The following DHRS7B variants were observed in gnomAD, a reference collection of about 807,000 sequenced individuals.
DHRS7B encodes the protein peroxisomal reductase activating PPAR-gamma.
A neutral mutation model predicts 26.4 loss-of-function variants in DHRS7B; 24 were observed. That is an observed-to-expected ratio of 0.91 (90% CI 0.66 to 1.28). The LOEUF (loss-of-function observed/expected upper bound fraction) is 1.28, where lower values mean the gene tolerates loss of function less well. Ranked by LOEUF, DHRS7B falls within the 50% of genes most tolerant of loss-of-function variation. The pLI, the probability that DHRS7B is intolerant of heterozygous loss-of-function variation, is 0.00. For synonymous variants in DHRS7B, 142 were observed against 166.4 expected, an observed-to-expected ratio of 0.85 and a Z score of 1.13; for missense variants, 368 against 419.4, an observed-to-expected ratio of 0.88 and a Z score of 1.07.
intron 1 of DHRS7B, chr17:21,166,372 G>A: frequency 3.0e-6 from 3 of 985,410 alleles, no homozygotes; most frequent in Non-Finnish European, 3.6e-6. Context: ...GCATTCCAGG[G>A]AGGGCTTGCT....
At chr17:21,168,513 C>T (rs1375050399) in intron 1 of DHRS7B, among the ~76,000 whole-genome samples, 2 of 152,236 alleles carry the variant, frequency 1.3e-5, no homozygotes, top group East Asian at 3.9e-4. Flanking sequence ...GGACTACAGA[C>T]GTGCACTACC....
At chr17:21,138,209 TTC>T (rs1386065475) in intron 1 of DHRS7B, among the ~76,000 whole-genome samples, 3 of 111,216 alleles carry the variant, frequency 2.7e-5, no homozygotes, top group African/African-American at 1.2e-4. Flanking sequence ...CCATCCCTCC[TTC>T]TTTTTTTTTT....
intron 6 of DHRS7B, 26 bp from the exon 7 acceptor site, chr17:21,190,922 T>G: frequency 6.2e-7 from 1 of 1,608,576 alleles, no homozygotes; most frequent in Non-Finnish European, 8.5e-7. Context: ...CAAGTTCATG[T>G]GTTTCTTTTG....
At chr17:21,172,511 T>C in intron 2 of DHRS7B, 2 of 461,040 alleles carry the variant, frequency 4.3e-6, no homozygotes, top group Non-Finnish European at 7.9e-6. Context: ...AGTTGCTTGC[T>C]GAGGTAGGAA....
At chr17:21,129,722 A>G (rs1347927122) in intron 1 of DHRS7B, among the ~76,000 whole-genome samples, 1 of 142,802 alleles carries the variant, frequency 7.0e-6, no homozygotes, top group African/African-American at 2.9e-5. Context: ...AAAAAAAAAA[A>G]AAGAAAAAGA....
At chr17:21,137,112 A>G (rs1973361649) in intron 1 of DHRS7B, among the ~76,000 whole-genome samples, 1 of 150,376 alleles carries the variant, frequency 6.6e-6, no homozygotes, top group African/African-American at 2.4e-5. Context: ...CTGGGATTAC[A>G]GGCGCCTGCC....
At chr17:21,136,478 C>G (rs534183787) in intron 1 of DHRS7B, among the ~76,000 whole-genome samples, 5 of 152,054 alleles carry the variant, frequency 3.3e-5, no homozygotes, top group African/African-American at 1.2e-4. Flanking sequence ...CACCTTTGCA[C>G]TCCAGCCTGG....
At chr17:21,180,054 A>G (rs1047478972) in intron 3 of DHRS7B, among the ~76,000 whole-genome samples, 6 of 145,756 alleles carry the variant, frequency 4.1e-5, no homozygotes, top group Non-Finnish European at 6.0e-5. Context: ...GGCATGAGCC[A>G]CCATGCCCAG....
In DHRS7B at chr17:21,178,342, G is replaced by T. The variant is rs755919181; in HGVS notation, c.309G>T (p.Lys103Asn). 12 of 1,613,218 alleles carry T rather than the reference G, an allele frequency of 7.4e-6. No homozygotes were observed. Among genetic ancestry groups the T allele is most frequent in the Non-Finnish European group, 7.6e-6 (9 of 1,179,636 alleles). Residue 103 changes from lysine to asparagine, a missense_variant and splice_region_variant, in exon 3 of 7, where the codon AAG (lysine) becomes AAT (asparagine). Lys to Asn is a moderately conservative substitution (Grantham distance 94, BLOSUM62 0). Coordinates refer to ENST00000395511, the MANE Select transcript of DHRS7B (RefSeq NM_015510.5). The stretch of plus-strand genomic sequence containing the variant: ...AACTCACCGCTTCTCATGCCACCAA[G>T]GTGAGCCAGGGGCGTGCTTTCCATG... ...IRELTASHATKVQTHKPYLVT... is the reference protein window; with the variant it reads ...IRELTASHATNVQTHKPYLVT...
At chr17:21,168,852 T>A in intron 1 of DHRS7B, 1 of 985,492 alleles carries the variant, frequency 1.0e-6, no homozygotes, top group South Asian at 4.7e-5. Flanking sequence ...GCCTGTGATG[T>A]TGTGTCAGGT....
chr17:21,147,520 G>A (rs1249113724), intron 1 of DHRS7B, among the ~76,000 whole-genome samples: 1 of 152,184 alleles, frequency 6.6e-6, no homozygotes, highest in East Asian at 1.9e-4. Flanking sequence ...AGTTCTCGAG[G>A]CCATGGAGAA....
chr17:21,128,170 ATTTG>A (rs1435084617), intron 1 of DHRS7B: 1 of 152,142 alleles, frequency 6.6e-6, no homozygotes, highest in Non-Finnish European at 1.5e-5. Flanking sequence ...AGTCCCAGCT[ATTTG>A]TTGGGGCTGA....
chr17:21,183,561 GA>G, intron 3 of DHRS7B, 32 bp from the exon 4 acceptor site: 1 of 1,605,444 alleles, frequency 6.2e-7, no homozygotes, highest in South Asian at 1.1e-5. Context: ...CTGCCACTCA[GA>G]AAGTGAATTT....
intron 1 of DHRS7B, among the ~76,000 whole-genome samples, chr17:21,141,355 A>C (rs775348792): frequency 6.6e-6 from 1 of 152,100 alleles, no homozygotes; most frequent in Non-Finnish European, 1.5e-5. Context: ...ATTAACATTA[A>C]ATTTGAGAGA....
rs571204979 is a variant in DHRS7B, at chr17:21,166,851, T to C, written c.21-5167T>C. Among the ~76,000 whole-genome samples, 31 of 152,346 alleles carry C rather than the reference T, an allele frequency of 2.0e-4. 1 individual carries two copies. In the South Asian group the frequency reaches 6.4e-3, roughly 32 times the overall value. Reference sequence around the variant, plus strand: ...GTGTGTAACATGGCAAATTATTTCATGGCTAATCCTTCTTACAGACCTGAA... The same window carrying C: ...GTGTGTAACATGGCAAATTATTTCACGGCTAATCCTTCTTACAGACCTGAA... On this transcript the variant is annotated intron_variant, in intron 1 of 6. Transcript: ENST00000395511.
chr17:21,189,175 G>C (rs1017802), intron 6 of DHRS7B, among the ~76,000 whole-genome samples: 129,946 of 152,142 alleles, frequency 0.85, 55,679 homozygotes, highest in Middle Eastern at 0.88. Context: ...CCCATTCGCA[G>C]ATCCCGAGTC....
intron 1 of DHRS7B, among the ~76,000 whole-genome samples, chr17:21,159,050 A>T (rs532377658): frequency 6.6e-6 from 1 of 152,236 alleles, no homozygotes; most frequent in African/African-American, 2.4e-5. Context: ...ATGCAAAACC[A>T]TGAAACTGCT....
intron 1 of DHRS7B, chr17:21,128,309 C>G (rs11868489): frequency 0.36 from 54,808 of 151,882 alleles, 10,893 homozygotes; most frequent in Non-Finnish European, 0.44. Context: ...CACATGTAAT[C>G]CCAGCACTTT....
rs115456700 is a variant in DHRS7B, at chr17:21,190,013, C to A, written c.773-935C>A. Among the ~76,000 whole-genome samples the A allele has an allele frequency of 5.3e-5, 8 of 152,198 alleles. No homozygotes were observed. The South Asian group carries it at 1.7e-3, about 32-fold the overall frequency. ...CAAGACCTAACCTCCACAAAAAATA[C>A]GAAAATTAGCCAACCATGGTGGCAC... On this transcript the variant is annotated intron_variant, in intron 6 of 6. Transcript: ENST00000395511.
Sources: gnomAD v4.1 joint callset for allele counts (sites outside exome capture counted in the v4.1 genomes callset) on GRCh38, gnomAD v4.1.1 for gene constraint, MANE v1.5 for transcripts, NCBI Gene and HGNC (gene_info 2026-07-23, HGNC 2026-07-21) for gene names.